ZFYVE9: variants seen among roughly 807,000 people sequenced by gnomAD.
The protein encoded by ZFYVE9 is zinc finger FYVE domain-containing protein 9.
In ZFYVE9, 43 loss-of-function variants were observed where a neutral mutation model predicts 126.7. That is an observed-to-expected ratio of 0.34 (90% confidence interval 0.27 to 0.44). ZFYVE9 has a LOEUF of 0.44. Ranked by LOEUF, ZFYVE9 falls within the 20% of genes least tolerant of loss-of-function variation. The pLI, the probability that ZFYVE9 is intolerant of heterozygous loss-of-function variation, is 1.00. For missense variants in ZFYVE9, 1,476 were observed against 1,697.0 expected, an observed-to-expected ratio of 0.87 and a Z score of 2.29; for synonymous variants, 521 against 597.4, an observed-to-expected ratio of 0.87 and a Z score of 1.87.
chr1:52,152,445 T>G (rs992612583), intron 1 of ZFYVE9, among the ~76,000 whole-genome samples: 15 of 152,238 alleles, frequency 9.9e-5, no homozygotes, highest in Non-Finnish European at 1.3e-4. Flanking sequence ...TAGGCCCTGA[T>G]TACTTCCTGA....
chr1:52,226,861 T>A (rs1221532043), intron 2 of ZFYVE9, among the ~76,000 whole-genome samples: 1 of 152,236 alleles, frequency 6.6e-6, no homozygotes, highest in Non-Finnish European at 1.5e-5. Flanking sequence ...TTTGAATTTC[T>A]GATTAGCCTC....
chr1:52,199,334 A>T (rs1644901407), intron 1 of ZFYVE9, among the ~76,000 whole-genome samples: 1 of 152,004 alleles, frequency 6.6e-6, no homozygotes, highest in Non-Finnish European at 1.5e-5. Flanking sequence ...AAGTGCTGGG[A>T]TTACAGGAGT....
At chr1:52,273,372 T>C (rs1410176994) in intron 7 of ZFYVE9, among the ~76,000 whole-genome samples, 1 of 152,178 alleles carries the variant, frequency 6.6e-6, no homozygotes, top group Non-Finnish European at 1.5e-5. Flanking sequence ...CTGTATAGTA[T>C]GGGAAATAAA....
At chr1:52,144,093 G>A (rs1434337889) in intron 1 of ZFYVE9, among the ~76,000 whole-genome samples, 3 of 152,116 alleles carry the variant, frequency 2.0e-5, no homozygotes, top group Non-Finnish European at 2.9e-5. Flanking sequence ...TCTCCGAGGC[G>A]GGTGGATCAT....
chr1:52,270,774 A>G (rs1327528902), intron 7 of ZFYVE9, among the ~76,000 whole-genome samples: 1 of 147,110 alleles, frequency 6.8e-6, no homozygotes, highest in Non-Finnish European at 1.5e-5. Context: ...TTTACATGAT[A>G]CTCTCAATTT....
In ZFYVE9 at chr1:52,346,546, T is replaced by C. The variant is rs771543362; in HGVS notation, c.*325T>C. On this transcript the variant is annotated 3_prime_UTR_variant, in exon 19 of 19. Coordinates refer to ENST00000287727, the MANE Select transcript of ZFYVE9 (RefSeq NM_004799.4). ...CCGCTCCTCTCTCAAGATTTACTTATGGTCATGTGCTCAGAAATGCTCAAA... is the reference window on the plus strand; with the variant it reads ...CCGCTCCTCTCTCAAGATTTACTTACGGTCATGTGCTCAGAAATGCTCAAA... 24 of 409,182 alleles carry C rather than the reference T, an allele frequency of 5.9e-5. No homozygotes were observed. The highest frequency in any genetic ancestry group is 2.5e-4 in the Admixed American group (6 of 24,174). 25.3% of individuals were successfully genotyped at this position (409,182 alleles called of 1,614,324 possible). A position where few individuals can be genotyped will look rare whatever the true frequency, so the allele number is the denominator to read the frequency against.
At chr1:52,343,213 T>C (rs112890086) in intron 17 of ZFYVE9, among the ~76,000 whole-genome samples, 33,441 of 151,660 alleles carry the variant, frequency 0.22, 7,585 homozygotes, top group African/African-American at 0.58. Flanking sequence ...TGAGCCACCG[T>C]GCCCGGCCGA....
chr1:52,280,184 C>T (rs1645787829), intron 9 of ZFYVE9, among the ~76,000 whole-genome samples: 1 of 147,098 alleles, frequency 6.8e-6, no homozygotes, highest in East Asian at 2.0e-4. Context: ...CGAGACTAGC[C>T]TGGGCAACAT....
chr1:52,233,977 C>T (rs552815651), intron 3 of ZFYVE9, among the ~76,000 whole-genome samples: 1 of 152,144 alleles, frequency 6.6e-6, no homozygotes, highest in African/African-American at 2.4e-5. Context: ...GAAGGGGTTT[C>T]GCCTTGTTGG....
intron 1 of ZFYVE9, among the ~76,000 whole-genome samples, chr1:52,164,369 A>G (rs535560174): frequency 1.1e-4 from 17 of 152,052 alleles, no homozygotes; most frequent in Admixed American, 1.3e-4. Context: ...ATGCACCACC[A>G]CGTCCAGCTA....
At chr1:52,187,722 T>C (rs868292624) in intron 1 of ZFYVE9, among the ~76,000 whole-genome samples, 1 of 152,178 alleles carries the variant, frequency 6.6e-6, no homozygotes, top group Admixed American at 6.5e-5. Flanking sequence ...CACTGATCAT[T>C]AGAGAAATGC....
chr1:52,321,036 G>C (rs1646235581), intron 13 of ZFYVE9, among the ~76,000 whole-genome samples: 2 of 152,186 alleles, frequency 1.3e-5, no homozygotes, highest in African/African-American at 4.8e-5. Flanking sequence ...GATAGGAATA[G>C]AGAAGTTTAT....
chr1:52,275,340 C>T (rs1212939501), intron 8 of ZFYVE9, among the ~76,000 whole-genome samples: 2 of 152,230 alleles, frequency 1.3e-5, no homozygotes, highest in Non-Finnish European at 2.9e-5. Context: ...AATAGTGCTG[C>T]GGTGAACATT....
At chr1:52,278,669 A>G in intron 9 of ZFYVE9, 55 bp downstream of exon 9, 2 of 1,236,800 alleles carry the variant, frequency 1.6e-6, no homozygotes, top group Non-Finnish European at 2.2e-6. Flanking sequence ...CTCATAGTAC[A>G]TAAAACTTTC....
chr1:52,176,012 C>T (rs1644624143), intron 1 of ZFYVE9, among the ~76,000 whole-genome samples: 1 of 152,230 alleles, frequency 6.6e-6, no homozygotes, highest in African/African-American at 2.4e-5. Context: ...AGTCATTCTC[C>T]ATCCAGGTTT....
chr1:52,227,336 A>AG, intron 2 of ZFYVE9, among the ~76,000 whole-genome samples: 1 of 147,638 alleles, frequency 6.8e-6, no homozygotes, highest in Non-Finnish European at 1.5e-5. Flanking sequence ...TTCTGCCTTC[A>AG]CTTGCCAAAA....
intron 10 of ZFYVE9, among the ~76,000 whole-genome samples, chr1:52,286,590 C>T (rs898245717): frequency 6.6e-6 from 1 of 152,186 alleles, no homozygotes; most frequent in Non-Finnish European, 1.5e-5. Context: ...TATTGTTTCT[C>T]CCTGTCTCCT....
At chr1:52,345,909 C>T (rs7517338) in intron 18 of ZFYVE9, 151 bp from the exon 19 acceptor site, 88,547 of 749,554 alleles carry the variant, frequency 0.12, 13,416 homozygotes, top group African/African-American at 0.61. Flanking sequence ...TAAGTGATCA[C>T]CCAGAAAAGA....
At chr1:52,232,692 C>T (rs909298760) in intron 2 of ZFYVE9, among the ~76,000 whole-genome samples, 10 of 134,620 alleles carry the variant, frequency 7.4e-5, no homozygotes, top group African/African-American at 2.6e-4. Context: ...GGAGCCATTG[C>T]ACTCCAGCCT....
Sources: gnomAD v4.1 joint callset for allele counts (sites outside exome capture counted in the v4.1 genomes callset) on GRCh38, gnomAD v4.1.1 for gene constraint, MANE v1.5 for transcripts, NCBI Gene and HGNC (gene_info 2026-07-23, HGNC 2026-07-21) for gene names.